The following CCDC34 variants were observed in gnomAD, a reference collection of about 807,000 sequenced individuals.
The protein encoded by CCDC34 is coiled-coil domain-containing protein 34.
Under a neutral mutation model 44.1 loss-of-function variants are expected in CCDC34, and 40 were observed. That is an observed-to-expected ratio of 0.91 (90% CI 0.70 to 1.18). CCDC34 has a LOEUF of 1.18. Ranked by LOEUF, CCDC34 falls within the 50% of genes most tolerant of loss-of-function variation. The pLI is 0.00. For missense variants in CCDC34, 466 were observed against 452.3 expected, an observed-to-expected ratio of 1.03 and a Z score of -0.28; for synonymous variants, 159 against 158.2, an observed-to-expected ratio of 1.01 and a Z score of -0.04.
At chr11:27,361,017 C>T (rs796455945) in intron 1 of CCDC34, among the ~76,000 whole-genome samples, 12 of 152,350 alleles carry the variant, frequency 7.9e-5, no homozygotes, top group African/African-American at 2.6e-4. Flanking sequence ...TGACAATAAT[C>T]ACTGCATGTA....
rs1862477997 is a variant in CCDC34 at position 27,349,668 on chromosome 11, A to C, written c.606+664T>G. 8 of 983,100 alleles carry C rather than the reference A, an allele frequency of 8.1e-6. No individual in the cohort carries two copies. The South Asian group carries it at 3.3e-4, about 40-fold the overall frequency. 60.9% of individuals were successfully genotyped at this position (983,100 alleles called of 1,614,324 possible). A position where few individuals can be genotyped will look rare whatever the true frequency, so the allele number is the denominator to read the frequency against. ...TCGAATGTGTGTGATCCATAGAAGA[A>C]TATATTAAAATTAAAAGGAAAAAAT... On this transcript the variant is annotated intron_variant, in intron 3 of 5. Coordinates refer to ENST00000328697, the MANE Select transcript of CCDC34 (RefSeq NM_030771.2).
At chr11:27,341,798 AC>A (rs1454090188) in intron 3 of CCDC34, among the ~76,000 whole-genome samples, 1 of 152,158 alleles carries the variant, frequency 6.6e-6, no homozygotes, top group East Asian at 1.9e-4. Flanking sequence ...ACCAATGTCC[AC>A]TCAGAGCCTG....
intron 3 of CCDC34, chr11:27,348,757 G>A (rs1590326124): frequency 2.7e-6 from 2 of 733,348 alleles, no homozygotes; most frequent in Non-Finnish European, 3.3e-6. Context: ...TACAAATAGA[G>A]GTAAATGTAA....
At chr11:27,360,966 TCTACCTTTC>T (rs1213136139) in intron 1 of CCDC34, among the ~76,000 whole-genome samples, 1 of 152,212 alleles carries the variant, frequency 6.6e-6, no homozygotes, top group Non-Finnish European at 1.5e-5. Flanking sequence ...TTTCTAAAAA[TCTACCTTTC>T]CTGAAAGGAA....
chr11:27,360,507 G>T (rs1294222074), intron 1 of CCDC34, among the ~76,000 whole-genome samples: 1 of 152,134 alleles, frequency 6.6e-6, no homozygotes, highest in Non-Finnish European at 1.5e-5. Flanking sequence ...TGGAGAAAAG[G>T]CATAAAATCC....
chr11:27,351,408 A>T (rs1459065656), intron 2 of CCDC34, among the ~76,000 whole-genome samples: 1 of 152,166 alleles, frequency 6.6e-6, no homozygotes, highest in Admixed American at 6.5e-5. Context: ...CATTTTAAAC[A>T]ACTGGTCACA....
chr11:27,340,951 C>T, intron 4 of CCDC34, 114 bp from the exon 5 acceptor site: 1 of 837,180 alleles, frequency 1.2e-6, no homozygotes, highest in Non-Finnish European at 1.9e-6. Flanking sequence ...GCTTACTGGC[C>T]ATAATACTGA....
At chr11:27,340,661 C>T (rs1315802065) in intron 5 of CCDC34, 35 bp downstream of exon 5, 6 of 1,554,832 alleles carry the variant, frequency 3.9e-6, no homozygotes, top group African/African-American at 1.4e-5. Flanking sequence ...TTCTGCAAAC[C>T]ATATTTATGT....
intron 5 of CCDC34, 113 bp from the exon 6 acceptor site, chr11:27,339,148 A>G: frequency 1.4e-6 from 1 of 721,832 alleles, no homozygotes; most frequent in Non-Finnish European, 2.3e-6. Flanking sequence ...ATTATCACTA[A>G]TAAGCCAATG....
chr11:27,352,480 C>T (rs1862516694), intron 2 of CCDC34, among the ~76,000 whole-genome samples: 1 of 151,600 alleles, frequency 6.6e-6, no homozygotes, highest in Non-Finnish European at 1.5e-5. Flanking sequence ...CATACAAATA[C>T]ATGTGTATAT....
chr11:27,340,911 T>A (rs1862348239), intron 4 of CCDC34, 74 bp from the exon 5 acceptor site: 3 of 1,462,908 alleles, frequency 2.1e-6, no homozygotes, highest in Non-Finnish European at 2.8e-6. Flanking sequence ...CTACTGATTT[T>A]TTTTTCTCCA....
intron 1 of CCDC34, among the ~76,000 whole-genome samples, chr11:27,359,211 A>C (rs1230686189): frequency 1.3e-5 from 2 of 152,046 alleles, no homozygotes; most frequent in African/African-American, 2.4e-5. Flanking sequence ...CACAGGATAA[A>C]ATCCAAACTC....
In CCDC34 at chr11:27,358,611, T is replaced by C. The variant is rs904376974; in HGVS notation, c.360-1070A>G. Reference sequence around the variant, plus strand: ...GACACTGTTGATGTGTTATTTCTTATATGCGTCTTTCCTTCCCAGTCTTGC... The same window carrying C: ...GACACTGTTGATGTGTTATTTCTTACATGCGTCTTTCCTTCCCAGTCTTGC... On this transcript the variant is annotated intron_variant, in intron 1 of 5. Coordinates refer to ENST00000328697, the MANE Select transcript of CCDC34 (RefSeq NM_030771.2). Among the ~76,000 whole-genome samples the C allele has an allele frequency of 2.6e-5, 4 of 152,316 alleles. No individual in the cohort carries two copies. In the East Asian group the frequency reaches 7.7e-4, roughly 29 times the overall value.
chr11:27,348,255 T>C (rs373550546), intron 3 of CCDC34, among the ~76,000 whole-genome samples: 1 of 152,348 alleles, frequency 6.6e-6, no homozygotes, highest in South Asian at 2.1e-4. Context: ...GTTGAAAGCA[T>C]GAATAATGCA....
chr11:27,356,008 ATTTT>A (rs34146389), intron 2 of CCDC34, among the ~76,000 whole-genome samples: 4 of 69,508 alleles, frequency 5.8e-5, no homozygotes, highest in East Asian at 5.3e-4. Flanking sequence ...TGTTCCCAGG[ATTTT>A]TTTTTTTTTT....
chr11:27,346,825 T>G (rs1862441409), intron 3 of CCDC34, among the ~76,000 whole-genome samples: 1 of 152,092 alleles, frequency 6.6e-6, no homozygotes, highest in Non-Finnish European at 1.5e-5. Flanking sequence ...GTAATCAAGT[T>G]TAAATGAGGT....
chr11:27,355,566 G>A (rs1398614741), intron 2 of CCDC34, among the ~76,000 whole-genome samples: 1 of 152,074 alleles, frequency 6.6e-6, no homozygotes, highest in Non-Finnish European at 1.5e-5. Flanking sequence ...ACAAAGCCAG[G>A]CATCTTTATA....
At chr11:27,362,552 T>C (rs1403825880) in intron 1 of CCDC34, among the ~76,000 whole-genome samples, 2 of 152,170 alleles carry the variant, frequency 1.3e-5, no homozygotes, top group African/African-American at 2.4e-5. Flanking sequence ...CCTGAAATGG[T>C]AGCAGAGTTT....
In CCDC34 at chr11:27,357,410, G is replaced by A. The variant is rs1449258073; in HGVS notation, c.491C>T (p.Ala164Val). The A allele has an allele frequency of 4.3e-6, 7 of 1,613,510 alleles. No individual in the cohort carries two copies. Among genetic ancestry groups the A allele is most frequent in the Non-Finnish European group, 5.9e-6 (7 of 1,179,710 alleles). Residue 164 changes from alanine (A) to valine (V), a missense_variant, in exon 2 of 6, where the codon GCT (alanine) becomes GTT (valine). Coordinates refer to ENST00000328697, the MANE Select transcript of CCDC34 (RefSeq NM_030771.2). Reference sequence around the variant, plus strand: ...AACACTGTCTAGTTTTACCTCTAGAGCTTTCAGTTGCAGCCGGTCACGTTC... The same window carrying A: ...AACACTGTCTAGTTTTACCTCTAGAACTTTCAGTTGCAGCCGGTCACGTTC... ...KEERDRLQLKALEELNQQLEK... is the reference protein window; with the variant it reads ...KEERDRLQLKVLEELNQQLEK...
Sources: allele counts gnomAD v4.1 joint callset (sites outside exome capture counted in the v4.1 genomes callset), GRCh38; gene constraint gnomAD v4.1.1; transcripts MANE v1.5; gene names NCBI Gene and HGNC (gene_info 2026-07-23, HGNC 2026-07-21).